DNAJB14: variants seen among roughly 807,000 people sequenced by gnomAD.
DNAJB14 encodes dnaJ homolog subfamily B member 14.
DNAJB14 carries 22 observed loss-of-function variants against 48.4 expected under a neutral mutation model. The observed-to-expected ratio is 0.45, with a 90% CI of 0.32 to 0.65. The LOEUF is 0.65. Among genes scored for constraint, DNAJB14 ranks in the 30% least tolerant of loss-of-function variants. The pLI is 0.03. For missense variants in DNAJB14, 319 were observed against 458.8 expected (o/e 0.70, Z 2.78); for synonymous variants, 142 against 158.7 (o/e 0.89, Z 0.79).
intron 3 of DNAJB14, among the ~76,000 whole-genome samples, chr4:99,915,419 G>T (rs961273167): frequency 1.3e-5 from 2 of 152,174 alleles, no homozygotes; most frequent in African/African-American, 2.4e-5. Flanking sequence ...TCACAGGCGT[G>T]AGCCACTGTG....
At chr4:99,901,262 C>A in intron 7 of DNAJB14, 110 bp from the exon 8 acceptor site, 3 of 993,596 alleles carry the variant, frequency 3.0e-6, no homozygotes, top group Non-Finnish European at 4.1e-6. Context: ...GATTAACTGA[C>A]TTAAAAAAAA....
intron 3 of DNAJB14, among the ~76,000 whole-genome samples, chr4:99,913,684 T>C (rs1163046458): frequency 2.6e-5 from 4 of 151,666 alleles, no homozygotes; most frequent in Non-Finnish European, 4.4e-5. Context: ...AAAACATTTC[T>C]TAACATTAAC....
At chr4:99,940,952 T>TATATA (rs370865641) in intron 1 of DNAJB14, among the ~76,000 whole-genome samples, 2 of 148,712 alleles carry the variant, frequency 1.3e-5, no homozygotes, top group Non-Finnish European at 1.5e-5. Flanking sequence ...TATATATATA[T>TATATA]TTTTTTTTTG....
At chr4:99,932,025 G>T (rs1180443305) in intron 1 of DNAJB14, among the ~76,000 whole-genome samples, 2 of 151,986 alleles carry the variant, frequency 1.3e-5, no homozygotes, top group Non-Finnish European at 2.9e-5. Context: ...AATTAACTCG[G>T]AATGGATCAT....
chr4:99,917,125 C>T (rs1256387683), intron 3 of DNAJB14, among the ~76,000 whole-genome samples: 1 of 152,102 alleles, frequency 6.6e-6, no homozygotes, highest in Non-Finnish European at 1.5e-5. Flanking sequence ...ACAGAGACTA[C>T]GTCTCAAACA....
intron 1 of DNAJB14, 108 bp from the exon 2 acceptor site, chr4:99,930,729 G>C: frequency 4.1e-6 from 5 of 1,223,292 alleles, no homozygotes; most frequent in Non-Finnish European, 5.6e-6. Flanking sequence ...TCTCCAAAAA[G>C]ATTCACCATA....
chr4:99,945,309 A>G (rs1490610120), intron 1 of DNAJB14, among the ~76,000 whole-genome samples: 1 of 152,216 alleles, frequency 6.6e-6, no homozygotes, highest in East Asian at 1.9e-4. Flanking sequence ...GGATAGAGAG[A>G]AAAGCAAAGA....
intron 4 of DNAJB14, among the ~76,000 whole-genome samples, chr4:99,907,763 T>C (rs1211380549): frequency 2.0e-5 from 3 of 152,164 alleles, no homozygotes; most frequent in Non-Finnish European, 4.4e-5. Context: ...GCTACATTCA[T>C]GAAGATTCTC....
intron 1 of DNAJB14, among the ~76,000 whole-genome samples, chr4:99,934,261 A>T (rs924370491): frequency 3.3e-5 from 5 of 152,210 alleles, no homozygotes; most frequent in Non-Finnish European, 7.4e-5. Context: ...CAAAAACAGA[A>T]GGATCTCTAC....
chr4:99,922,637 C>T (rs1266214212), intron 3 of DNAJB14: 1 of 152,678 alleles, frequency 6.5e-6, no homozygotes, highest in Non-Finnish European at 1.5e-5. Flanking sequence ...CACTGGGGAG[C>T]TATTTCTTAA....
rs1220316751 is a variant in DNAJB14, at chr4:99,899,711, A to G, written c.*1317T>C. The G allele has an allele frequency of 6.6e-6, 1 of 152,376 alleles. No individual in the cohort carries two copies. The highest frequency in any genetic ancestry group is 2.1e-4 in the South Asian group (1 of 4,838). 9.4% of individuals were successfully genotyped at this position (152,376 alleles called of 1,614,324 possible). A position where few individuals can be genotyped will look rare whatever the true frequency, so the allele number is the denominator to read the frequency against. On this transcript the variant is annotated 3_prime_UTR_variant, in exon 8 of 8. Transcript: ENST00000442697. ...CATTAACCGAGTATGAAGCAAAATC[A>G]TTAAAATATTACAACTGCTAAACAC...
chr4:99,901,782 G>C (rs1308226184), intron 7 of DNAJB14, among the ~76,000 whole-genome samples: 2 of 151,932 alleles, frequency 1.3e-5, no homozygotes, highest in African/African-American at 4.8e-5. Flanking sequence ...AGTATTTCTT[G>C]TTTTTTCCTG....
intron 4 of DNAJB14, among the ~76,000 whole-genome samples, chr4:99,907,634 C>T (rs1037317971): frequency 1.3e-5 from 2 of 151,990 alleles, no homozygotes; most frequent in African/African-American, 2.4e-5. Context: ...GCTATGATTG[C>T]CCCAGTGTAC....
chr4:99,926,395 A>G (rs1726254779), intron 2 of DNAJB14: 1 of 152,210 alleles, frequency 6.6e-6, no homozygotes, highest in Non-Finnish European at 1.5e-5. Flanking sequence ...TGTCATGAAA[A>G]TGTAGTTAGT....
Position 99,905,649 on chromosome 4 carries a change from A to G in DNAJB14, c.790T>C (p.Leu264=). Residue 264 remains leucine, a synonymous_variant, in exon 6 of 8, where the codon TTA becomes CTA. Coordinates refer to ENST00000442697, the MANE Select transcript of DNAJB14 (RefSeq NM_001031723.4). ...TTAGAGACCATCAACTGGCTTAATA[A>G]TGACACGAGGATCAATACAATTATG... is the stretch of plus-strand genomic sequence containing the variant. ...MPIIVLILVS[L]LSQLMVSNPP... is the part of the protein sequence containing the mutation. 6.2e-7 allele frequency: 1 copy of G among 1,612,338 alleles called. No homozygotes were observed. The highest frequency in any genetic ancestry group is 1.1e-5 in the South Asian group (1 of 91,012).
chr4:99,909,230 T>C (rs368808794), intron 3 of DNAJB14, among the ~76,000 whole-genome samples: 5 of 152,070 alleles, frequency 3.3e-5, no homozygotes, highest in East Asian at 1.9e-4. Context: ...CTATCATTTA[T>C]TGAGTACCTA....
chr4:99,944,782 G>A lies in DNAJB14; in HGVS notation c.133+1657C>T, dbSNP rs1578244050. Among the ~76,000 whole-genome samples the A allele has an allele frequency of 3.9e-5, 6 of 151,998 alleles. No individual in the cohort carries two copies. In the South Asian group the frequency reaches 1.2e-3, roughly 32 times the overall value. ...AGTAGAGATGGCGTTTCATCATGTT[G>A]GCCAGGCTGGTCTCGAACTCCTCAC... is the stretch of plus-strand genomic sequence containing the variant. On this transcript the variant is annotated intron_variant, in intron 1 of 7. Transcript: ENST00000442697.
At chr4:99,903,941 TC>T (rs751238083) in intron 6 of DNAJB14, 43 bp from the exon 7 acceptor site, 1 of 1,561,708 alleles carries the variant, frequency 6.4e-7, no homozygotes, top group East Asian at 2.2e-5. Flanking sequence ...AATTGGACAT[TC>T]CAATATGCTG....
chr4:99,928,038 C>T (rs1726318639), intron 2 of DNAJB14: 1 of 151,918 alleles, frequency 6.6e-6, no homozygotes, highest in South Asian at 2.1e-4. Context: ...CATATTTAGT[C>T]CCCAAAAGAA....
Sources: gnomAD v4.1 joint callset for allele counts (sites outside exome capture counted in the v4.1 genomes callset) on GRCh38, gnomAD v4.1.1 for gene constraint, MANE v1.5 for transcripts, NCBI Gene and HGNC (gene_info 2026-07-23, HGNC 2026-07-21) for gene names.